Variants in MAML2 observed in about 807,000 individuals in gnomAD.
MAML2 encodes the protein mastermind-like protein 2.
A neutral mutation model predicts 96.1 loss-of-function variants in MAML2; 22 were observed. The ratio of observed to expected loss-of-function variants is 0.23; its 90% confidence interval spans 0.16 to 0.33. The LOEUF is 0.33. MAML2 is among the 10% of genes least tolerant of loss of function. MAML2 has a pLI of 1.00. For missense variants in MAML2, 1,367 were observed against 1,392.4 expected (o/e 0.98, Z 0.29); for synonymous variants, 561 against 521.3 (o/e 1.08, Z -1.04).
At position 96,342,572 on chromosome 11, in the gene MAML2, T is replaced by C; in HGVS notation, c.-677A>G. 2.5e-6 allele frequency: 1 copy of C among 395,900 alleles called. No individual in the cohort carries two copies. Among genetic ancestry groups the C allele is most frequent in the South Asian group, 1.4e-4 (1 of 7,054 alleles). The allele number at this position is 395,900 out of a possible 1,614,324, so 24.5% of individuals were successfully genotyped here. Reference sequence around the variant, plus strand: ...TAATTTTTCCTCCCTTTCCTTTCGCTCCGGTGTTTTCTCCTCTTTGGGGTA... The same window carrying C: ...TAATTTTTCCTCCCTTTCCTTTCGCCCCGGTGTTTTCTCCTCTTTGGGGTA... On this transcript the variant is annotated 5_prime_UTR_variant, in exon 1 of 5. Transcript: ENST00000524717.
At chr11:96,299,081 A>ATATATAT (rs1487119307) in intron 1 of MAML2, among the ~76,000 whole-genome samples, 5 of 136,386 alleles carry the variant, frequency 3.7e-5, no homozygotes, top group African/African-American at 5.5e-5. Flanking sequence ...ATATATATAT[A>ATATATAT]AAATTTCACC....
rs1228761008 is a variant in MAML2 at position 96,343,136 on chromosome 11, C to CA, written c.-1242dup. ...GCTGACACTGGCTCGCGCCCGGAGTCACGGCGATACACAGGCTTTCATTGT... is the reference window on the plus strand; with the variant it reads ...GCTGACACTGGCTCGCGCCCGGAGTCAACGGCGATACACAGGCTTTCATTGT... On this transcript the variant is annotated 5_prime_UTR_variant, in exon 1 of 5. The change abolishes the stop of an existing upstream ORF in the 5' untranslated region. Coordinates refer to ENST00000524717, the MANE Select transcript of MAML2 (RefSeq NM_032427.4). 3 of 397,744 alleles carry CA rather than the reference C, an allele frequency of 7.5e-6. No individual in the cohort carries two copies. Among genetic ancestry groups the CA allele is most frequent in the Non-Finnish European group, 1.3e-5 (3 of 225,740 alleles). 24.6% of individuals were successfully genotyped at this position (397,744 alleles called of 1,614,324 possible). A position where few individuals can be genotyped will look rare whatever the true frequency, so the allele number is the denominator to read the frequency against.
At chr11:96,211,648 G>A (rs1224429154) in intron 1 of MAML2, among the ~76,000 whole-genome samples, 1 of 152,130 alleles carries the variant, frequency 6.6e-6, no homozygotes. Context: ...TGTCAGGCAA[G>A]TACTTGAGGA....
At position 96,154,279 on chromosome 11, in the gene MAML2, G is replaced by T. The variant is rs181899543; in HGVS notation, c.514-60762C>A. Among the ~76,000 whole-genome samples, 35 of 152,228 alleles carry T rather than the reference G, an allele frequency of 2.3e-4. 1 individual carries two copies. Among genetic ancestry groups the T allele is most frequent in the Admixed American group, 1.8e-3 (28 of 15,292 alleles). Reference sequence around the variant, plus strand: ...AGCTCCCAGGTGCGGTAGCTACTCTGGGGACAAAACTTTTGAGCAGTCTGC... The same window carrying T: ...AGCTCCCAGGTGCGGTAGCTACTCTTGGGACAAAACTTTTGAGCAGTCTGC... On this transcript the variant is annotated intron_variant, in intron 1 of 4. Transcript: ENST00000524717.
At chr11:96,341,238 G>A (rs767296037) in intron 1 of MAML2, 145 bp downstream of exon 1, 19 of 918,110 alleles carry the variant, frequency 2.1e-5, no homozygotes, top group East Asian at 5.3e-5. Context: ...GAAACCACCC[G>A]AACACACCCA....
At chr11:96,056,343 T>C (rs1859068846) in intron 2 of MAML2, among the ~76,000 whole-genome samples, 1 of 147,044 alleles carries the variant, frequency 6.8e-6, no homozygotes, top group African/African-American at 2.5e-5. Context: ...TTAGAATCCT[T>C]TGGGTCACAT....
At chr11:96,314,227 G>A (rs1478610767) in intron 1 of MAML2, among the ~76,000 whole-genome samples, 5 of 152,170 alleles carry the variant, frequency 3.3e-5, no homozygotes, top group Non-Finnish European at 5.9e-5. Flanking sequence ...ATACCAAAAC[G>A]GGACAAGAGT....
At chr11:96,009,158 G>A (rs1858230668) in intron 2 of MAML2, among the ~76,000 whole-genome samples, 1 of 152,172 alleles carries the variant, frequency 6.6e-6, no homozygotes, top group African/African-American at 2.4e-5. Context: ...CATATGGAAG[G>A]AAGAACAATT....
intron 1 of MAML2, among the ~76,000 whole-genome samples, chr11:96,100,608 C>A (rs190494441): frequency 1.3e-5 from 2 of 152,024 alleles, no homozygotes; most frequent in Non-Finnish European, 2.9e-5. Flanking sequence ...CCACACCTGG[C>A]CTTTTTGTTG....
intron 1 of MAML2, among the ~76,000 whole-genome samples, chr11:96,202,030 A>G (rs965900505): frequency 6.6e-6 from 1 of 150,584 alleles, no homozygotes; most frequent in South Asian, 2.1e-4. Context: ...AGAAAAAATC[A>G]TGTAAGAATT....
intron 1 of MAML2, among the ~76,000 whole-genome samples, chr11:96,104,479 C>T (rs1235163139): frequency 6.6e-6 from 1 of 152,160 alleles, no homozygotes; most frequent in African/African-American, 2.4e-5. Context: ...CCCTTGCTAA[C>T]TCCCCTTCTC....
chr11:96,237,807 C>T (rs1238691070), intron 1 of MAML2, among the ~76,000 whole-genome samples: 1 of 152,202 alleles, frequency 6.6e-6, no homozygotes, highest in Admixed American at 6.5e-5. Context: ...ACACCTTGCT[C>T]ATTGTTTAGA....
chr11:96,258,061 G>A (rs557748617), intron 1 of MAML2, among the ~76,000 whole-genome samples: 18 of 152,130 alleles, frequency 1.2e-4, no homozygotes, highest in African/African-American at 2.2e-4. Flanking sequence ...AATTTTTACC[G>A]TGATAGGTTT....
intron 1 of MAML2, among the ~76,000 whole-genome samples, chr11:96,118,536 C>T (rs529856814): frequency 6.6e-6 from 1 of 151,076 alleles, no homozygotes; most frequent in Non-Finnish European, 1.5e-5. Context: ...TTATAAATTA[C>T]CCAGTCTCAG....
intron 1 of MAML2, among the ~76,000 whole-genome samples, chr11:96,281,259 G>A (rs1277833282): frequency 6.6e-6 from 1 of 152,230 alleles, no homozygotes; most frequent in Admixed American, 6.5e-5. Context: ...CCAGGGAAGA[G>A]TCAGTCAACA....
At chr11:96,185,901 T>C (rs1033482219) in intron 1 of MAML2, among the ~76,000 whole-genome samples, 1 of 152,200 alleles carries the variant, frequency 6.6e-6, no homozygotes, top group African/African-American at 2.4e-5. Context: ...GTAATATGTA[T>C]AGCATCAATG....
intron 1 of MAML2, among the ~76,000 whole-genome samples, chr11:96,127,018 A>AC (rs1860451118): frequency 6.6e-6 from 1 of 152,098 alleles, no homozygotes; most frequent in South Asian, 2.1e-4. Flanking sequence ...TCACTTGTTG[A>AC]CCCGGTGTTG....
chr11:96,161,721 C>T (rs1399200891), intron 1 of MAML2, among the ~76,000 whole-genome samples: 18 of 152,284 alleles, frequency 1.2e-4, no homozygotes, highest in Middle Eastern at 3.4e-3. Flanking sequence ...CTATAGAGTT[C>T]GTATGCGACT....
chr11:96,156,030 C>G (rs140118262), intron 1 of MAML2, among the ~76,000 whole-genome samples: 10 of 152,286 alleles, frequency 6.6e-5, no homozygotes, highest in East Asian at 3.9e-4. Context: ...GACCGCCCCC[C>G]ACTGGTTCCT....
Sources: gnomAD v4.1 joint callset for allele counts (sites outside exome capture counted in the v4.1 genomes callset) on GRCh38, gnomAD v4.1.1 for gene constraint, MANE v1.5 for transcripts, NCBI Gene and HGNC (gene_info 2026-07-23, HGNC 2026-07-21) for gene names.